The following MYB variants were observed in gnomAD, a reference collection of about 807,000 sequenced individuals.
MYB encodes transcriptional activator Myb.
MYB carries 28 observed loss-of-function variants against 92.9 expected under a neutral mutation model. The observed-to-expected ratio is 0.30, with a 90% CI of 0.22 to 0.41. The LOEUF is 0.41. MYB is among the 10% of genes least tolerant of loss of function. The pLI is 1.00. For missense variants in MYB, 679 were observed against 929.3 expected (o/e 0.73, Z 3.50); for synonymous variants, 295 against 329.1 (o/e 0.90, Z 1.12).
At chr6:135,201,011 A>G (rs746031509) in intron 13 of MYB, among the ~76,000 whole-genome samples, 1 of 152,094 alleles carries the variant, frequency 6.6e-6, no homozygotes, top group Non-Finnish European at 1.5e-5. Flanking sequence ...CCCGGGAGGC[A>G]GATCTTGCAG....
intron 14 of MYB, 21 bp downstream of exon 14, chr6:135,201,770 C>T: frequency 1.5e-6 from 2 of 1,373,732 alleles, no homozygotes; most frequent in South Asian, 1.8e-5. Context: ...GTGCACCAGC[C>T]CCCAAGTTGT....
chr6:135,198,165 G>A (rs1777589582), intron 10 of MYB, among the ~76,000 whole-genome samples: 1 of 152,178 alleles, frequency 6.6e-6, no homozygotes, highest in Non-Finnish European at 1.5e-5. Flanking sequence ...TTCTTAGCTG[G>A]GCATAGTGGC....
intron 3 of MYB, 21 bp downstream of exon 3, chr6:135,187,926 T>TA (rs1241121152): frequency 6.4e-7 from 1 of 1,557,832 alleles, no homozygotes; most frequent in Admixed American, 1.7e-5. Context: ...AAGTTTTTCT[T>TA]ATAACGAAAG....
intron 13 of MYB, chr6:135,200,671 A>G: frequency 2.0e-6 from 1 of 510,296 alleles, no homozygotes; most frequent in South Asian, 2.0e-5. Flanking sequence ...AGGGAGGGAA[A>G]GAGGTTTTTA....
At chr6:135,195,312 A>C (rs1777150874) in intron 8 of MYB, 1 of 293,618 alleles carries the variant, frequency 3.4e-6, no homozygotes, top group African/African-American at 2.2e-5. Flanking sequence ...GGATAGAAGC[A>C]ACAAGAATAT....
intron 1 of MYB, among the ~76,000 whole-genome samples, chr6:135,183,004 CTGTT>C (rs1364837668): frequency 1.6e-5 from 2 of 127,610 alleles, no homozygotes; most frequent in Admixed American, 1.6e-4. Context: ...CCGGGGTCAT[CTGTT>C]TTTTTTTTTT....
chr6:135,182,996 G>A lies in MYB; in HGVS notation c.23+1460G>A, dbSNP rs944893937. On this transcript the variant is annotated intron_variant, in intron 1 of 15. Coordinates refer to ENST00000341911, the MANE Select transcript of MYB (RefSeq NM_001130173.2). The surrounding 1 kb of genome is among the most constrained non-coding windows in gnomAD (Gnocchi z 5.6). ...TTTAGGACTTCACAGGACAGCTACC[G>A]GGGTCATCTGTTTTTTTTTTTTTTT... Among the ~76,000 whole-genome samples the A allele has an allele frequency of 2.3e-4, 34 of 148,120 alleles. No homozygotes were observed. The highest frequency in any genetic ancestry group is 4.5e-4 in the Non-Finnish European group (30 of 67,380).
chr6:135,217,835 G>A (rs750113421), intron 15 of MYB, 29 bp from the exon 16 acceptor site: 64 of 1,480,366 alleles, frequency 4.3e-5, no homozygotes, highest in Middle Eastern at 1.7e-4. Context: ...TTTGTCTGAC[G>A]CTCCTGTTGC....
chr6:135,202,087 A>G (rs1348749890), intron 14 of MYB, among the ~76,000 whole-genome samples: 1 of 151,920 alleles, frequency 6.6e-6, no homozygotes, highest in Admixed American at 6.6e-5. Context: ...CTTCTTGTTA[A>G]GTTGTCTCTT....
chr6:135,196,994 G>A lies in MYB; in HGVS notation c.1237G>A (p.Glu413Lys), dbSNP rs749542868. The change falls in exon 10 of 16, where the codon GAA (glutamate) becomes AAA (lysine). Residue 413 changes from glutamate to lysine, a missense_variant. By Grantham distance (56) the Glu-to-Lys change is moderately conservative (BLOSUM62 1). Coordinates refer to ENST00000341911, the MANE Select transcript of MYB (RefSeq NM_001130173.2). ...SSSWCDLSSF[E>K]FFEEADFSPS... ...ATCATGGTGTGATCTCAGCAGTTTT[G>A]AATTCTTTGAAGAAGCAGATTTTTC... 2 of 1,613,702 alleles carry A rather than the reference G, an allele frequency of 1.2e-6. No homozygotes were observed. Among genetic ancestry groups the A allele is most frequent in the Admixed American group, 1.7e-5 (1 of 59,986 alleles).
At chr6:135,191,267 T>C (rs962012575) in intron 5 of MYB, among the ~76,000 whole-genome samples, 3 of 152,252 alleles carry the variant, frequency 2.0e-5, no homozygotes, top group African/African-American at 7.2e-5. Context: ...GGGATAACTA[T>C]GGAAGCTCAT....
At chr6:135,211,841 G>A (rs904408434) in intron 15 of MYB, among the ~76,000 whole-genome samples, 2 of 152,126 alleles carry the variant, frequency 1.3e-5, no homozygotes, top group South Asian at 2.1e-4. Context: ...ATTTTCTATA[G>A]AAAATCAGTA....
At chr6:135,211,210 C>T (rs1458649743) in intron 15 of MYB, among the ~76,000 whole-genome samples, 1 of 149,072 alleles carries the variant, frequency 6.7e-6, no homozygotes, top group Non-Finnish European at 1.5e-5. Context: ...CTGACCCGCT[C>T]CCCTGGATGC....
At chr6:135,203,819 G>A (rs1778481827) in intron 15 of MYB, 14 of 1,277,252 alleles carry the variant, frequency 1.1e-5, no homozygotes, top group Non-Finnish European at 1.2e-5. Flanking sequence ...AAAGTCAACT[G>A]TCAATGTTGT....
At chr6:135,203,761 A>T (rs1778468709) in intron 15 of MYB, 1 of 1,335,568 alleles carries the variant, frequency 7.5e-7, no homozygotes, top group East Asian at 4.6e-5. Context: ...GAAGTCTGAA[A>T]TTAGTCAGAC....
intron 15 of MYB, among the ~76,000 whole-genome samples, chr6:135,216,351 G>T (rs1442998215): frequency 6.6e-6 from 1 of 152,106 alleles, no homozygotes; most frequent in Non-Finnish European, 1.5e-5. Context: ...CATTCGTGGG[G>T]TACAAGTGTA....
Position 135,195,836 on chromosome 6 carries a change from C to G in MYB, c.1037C>G (p.Ser346Cys). The change falls in exon 9 of 16, where the codon TCC becomes TGC. Residue 346 changes from serine to cysteine, a missense_variant. Transcript: ENST00000341911. ...TRPHGDSAPV[S>C]CLGEHHSTPS... ...CCTCATGGAGACAGTGCACCTGTTT[C>G]CTGTTTGGGAGAACACCACTCCACT... 1 of 1,614,176 alleles carries G rather than the reference C, an allele frequency of 6.2e-7. No homozygotes were observed. The highest frequency in any genetic ancestry group is 8.5e-7 in the Non-Finnish European group (1 of 1,180,036).
rs1368749091 is a variant in MYB at position 135,190,943 on chromosome 6, C to T, written c.527+596C>T. On this transcript the variant is annotated intron_variant, in intron 5 of 15. Transcript: ENST00000341911. This position sits in a 1 kb window ranked among gnomAD's most constrained non-coding sequence, Gnocchi z 4.5. ...TCTTGAGTAGCTAGGACTACAGGTG[C>T]ACCCCACTACACCCAGCTGATTTTA... Among the ~76,000 whole-genome samples, 1 of 152,044 alleles carries T rather than the reference C, an allele frequency of 6.6e-6. No individual in the cohort carries two copies. Among genetic ancestry groups the T allele is most frequent in the Non-Finnish European group, 1.5e-5 (1 of 67,988 alleles).
intron 11 of MYB, among the ~76,000 whole-genome samples, chr6:135,199,749 A>C (rs1216910365): frequency 6.6e-6 from 1 of 152,246 alleles, no homozygotes; most frequent in African/African-American, 2.4e-5. Flanking sequence ...TTTCATGAAT[A>C]GGGAAACCTG....
Sources: gnomAD v4.1 joint callset for allele counts (sites outside exome capture counted in the v4.1 genomes callset) on GRCh38, gnomAD v4.1.1 for gene constraint, Gnocchi (gnomAD v3.1) non-coding constraint, MANE v1.5 for transcripts, NCBI Gene and HGNC (gene_info 2026-07-23, HGNC 2026-07-21) for gene names.